The following NTF3 variants were observed in gnomAD, a reference collection of about 807,000 sequenced individuals.
NTF3 encodes the protein neurotrophin-3.
In NTF3, 8 loss-of-function variants were observed where a neutral mutation model predicts 26.3. The observed-to-expected ratio is 0.30, with a 90% CI of 0.18 to 0.55. The LOEUF is 0.55. Among genes scored for constraint, NTF3 ranks in the 20% least tolerant of loss-of-function variants. The pLI is 0.93. For missense variants in NTF3, 276 were observed against 352.9 expected (o/e 0.78, Z 1.75); for synonymous variants, 154 against 145.5 (o/e 1.06, Z -0.42).
intron 1 of NTF3, among the ~76,000 whole-genome samples, chr12:5,490,682 C>T (rs1290483993): frequency 6.6e-6 from 1 of 152,208 alleles, no homozygotes; most frequent in Non-Finnish European, 1.5e-5. Context: ...TTCAGAAACA[C>T]CACCTCTCCC....
At chr12:5,457,324 A>C (rs1241474430) in intron 1 of NTF3, among the ~76,000 whole-genome samples, 1 of 151,834 alleles carries the variant, frequency 6.6e-6, no homozygotes, top group Non-Finnish European at 1.5e-5. Context: ...TGAAGGCTCC[A>C]TTTCCTCATT....
chr12:5,435,603 G>T (rs1378785550), intron 1 of NTF3, among the ~76,000 whole-genome samples: 5 of 152,170 alleles, frequency 3.3e-5, no homozygotes, highest in Admixed American at 3.3e-4. Context: ...GGGAATTGGA[G>T]GGTGCTGCAC....
intron 1 of NTF3, among the ~76,000 whole-genome samples, chr12:5,446,693 T>C (rs1940310352): frequency 6.6e-6 from 1 of 152,236 alleles, no homozygotes; most frequent in South Asian, 2.1e-4. Context: ...GTGGACCATA[T>C]GGAATCATTG....
At chr12:5,454,645 C>T (rs1024637063) in intron 1 of NTF3, among the ~76,000 whole-genome samples, 1 of 152,202 alleles carries the variant, frequency 6.6e-6, no homozygotes, top group Non-Finnish European at 1.5e-5. Context: ...GCAACAATAA[C>T]AACCAGGGAG....
intron 1 of NTF3, among the ~76,000 whole-genome samples, chr12:5,473,527 A>G (rs1940690256): frequency 6.6e-6 from 1 of 152,210 alleles, no homozygotes; most frequent in African/African-American, 2.4e-5. Context: ...AGTCTTATGC[A>G]TTCTCTCTTA....
At chr12:5,492,746 C>T (rs1364829717) in intron 1 of NTF3, among the ~76,000 whole-genome samples, 1 of 152,148 alleles carries the variant, frequency 6.6e-6, no homozygotes, top group African/African-American at 2.4e-5. Flanking sequence ...TTGTTGACCT[C>T]TAGGGACAAG....
At chr12:5,443,413 A>G (rs1443315153) in intron 1 of NTF3, among the ~76,000 whole-genome samples, 1 of 152,194 alleles carries the variant, frequency 6.6e-6, no homozygotes, top group Non-Finnish European at 1.5e-5. Flanking sequence ...ATGACCCCAC[A>G]TGCAGCAGGA....
intron 1 of NTF3, among the ~76,000 whole-genome samples, chr12:5,461,949 A>T (rs1180205216): frequency 6.6e-6 from 1 of 152,238 alleles, no homozygotes; most frequent in Non-Finnish European, 1.5e-5. Context: ...TCCAAGGGTT[A>T]TGTGTATGAT....
intron 1 of NTF3, among the ~76,000 whole-genome samples, chr12:5,484,729 T>C (rs1641653060): frequency 6.6e-6 from 1 of 152,146 alleles, no homozygotes; most frequent in Non-Finnish European, 1.5e-5. Flanking sequence ...GATGGATATT[T>C]AGTAGGTGGG....
In NTF3 at chr12:5,432,868, G is replaced by GC. The variant is rs372027671; in HGVS notation, c.18+527dup. Among the ~76,000 whole-genome samples the GC allele has an allele frequency of 8.1e-3, 1,238 of 152,090 alleles. 13 individuals carry two copies. Among genetic ancestry groups the GC allele is most frequent in the African/African-American group, 0.028 (1,144 of 41,508 alleles). On this transcript the variant is annotated intron_variant, in intron 1 of 1. Transcript: ENST00000423158. Reference sequence around the variant, plus strand: ...AAGGGGGTGGCAGACAGAACTCCGGGCGGGGAGGTGCCGCGGCAGCTCCCC... The same window carrying GC: ...AAGGGGGTGGCAGACAGAACTCCGGGCCGGGGAGGTGCCGCGGCAGCTCCCC...
chr12:5,477,989 C>T (rs565650894), intron 1 of NTF3, among the ~76,000 whole-genome samples: 1 of 152,282 alleles, frequency 6.6e-6, no homozygotes, highest in East Asian at 1.9e-4. Flanking sequence ...TGACTGCTTT[C>T]GTCTCAAAGC....
At position 5,494,213 on chromosome 12, in the gene NTF3, T is replaced by G. The variant is rs1372828348; in HGVS notation, c.38T>G (p.Val13Gly). The G allele has an allele frequency of 6.2e-7, 1 of 1,613,568 alleles. No individual in the cohort carries two copies. Among genetic ancestry groups the G allele is most frequent in the African/African-American group, 1.3e-5 (1 of 74,898 alleles). ...TFATILQVNKVMSILFYVIFL... is the reference protein window; with the variant it reads ...TFATILQVNKGMSILFYVIFL... Reference sequence around the variant, plus strand: ...TTTCAGATCTTACAGGTGAACAAGGTGATGTCCATCTTGTTTTATGTGATA... The same window carrying G: ...TTTCAGATCTTACAGGTGAACAAGGGGATGTCCATCTTGTTTTATGTGATA... The change falls in exon 2 of 2, where the codon GTG becomes GGG. Residue 13 changes from valine (V) to glycine (G), a missense_variant. This residue lies in a region of NTF3 where 221 missense variants were observed against 258.2 expected (regional missense o/e 0.86). Coordinates refer to ENST00000423158, the MANE Select transcript of NTF3 (RefSeq NM_001102654.2). The surrounding 1 kb of genome is among the most constrained non-coding windows in gnomAD (Gnocchi z 8.3).
At chr12:5,438,964 C>T (rs1940206161) in intron 1 of NTF3, among the ~76,000 whole-genome samples, 1 of 152,186 alleles carries the variant, frequency 6.6e-6, no homozygotes, top group Non-Finnish European at 1.5e-5. Flanking sequence ...CTGTTTTTAT[C>T]TTTGGGGAAT....
At chr12:5,466,749 A>C (rs191658600) in intron 1 of NTF3, among the ~76,000 whole-genome samples, 26 of 152,380 alleles carry the variant, frequency 1.7e-4, no homozygotes, top group Non-Finnish European at 3.2e-4. Context: ...CCTCCACTTC[A>C]AAATGAACAG....
intron 1 of NTF3, among the ~76,000 whole-genome samples, chr12:5,440,328 A>G (rs1940221440): frequency 6.6e-6 from 1 of 152,100 alleles, no homozygotes; most frequent in Admixed American, 6.5e-5. Flanking sequence ...CTTCATATGG[A>G]GTATATAGCC....
chr12:5,444,736 A>G (rs868162071), intron 1 of NTF3, among the ~76,000 whole-genome samples: 24 of 152,196 alleles, frequency 1.6e-4, no homozygotes, highest in African/African-American at 5.8e-4. Flanking sequence ...TTTGTTTTTA[A>G]AAAGATCCCT....
chr12:5,465,686 T>C (rs1177794101), intron 1 of NTF3, among the ~76,000 whole-genome samples: 1 of 152,204 alleles, frequency 6.6e-6, no homozygotes, highest in African/African-American at 2.4e-5. Context: ...CACGCAAGGC[T>C]TTCAGCTTCT....
intron 1 of NTF3, among the ~76,000 whole-genome samples, chr12:5,480,793 T>C (rs1940781961): frequency 8.7e-6 from 1 of 114,936 alleles, no homozygotes; most frequent in African/African-American, 3.3e-5. Flanking sequence ...CTGGAGGAGC[T>C]CCTAGAGTTT....
chr12:5,494,433 G>A lies in NTF3; in HGVS notation c.258G>A (p.Glu86=). 1 of 1,612,186 alleles carries A rather than the reference G, an allele frequency of 6.2e-7. No homozygotes were observed. The highest frequency in any genetic ancestry group is 8.5e-7 in the Non-Finnish European group (1 of 1,179,978). The change falls in exon 2 of 2, where the codon GAG becomes GAA. Residue 86 remains glutamate (E), a synonymous_variant. Coordinates refer to ENST00000423158, the MANE Select transcript of NTF3 (RefSeq NM_001102654.2). This position sits in a 1 kb window ranked among gnomAD's most constrained non-coding sequence, Gnocchi z 8.3. ...LPKAEAPREP[E]RGGPAKSAFQ... ...AAGCTGAGGCTCCCCGAGAGCCGGA[G>A]CGGGGAGGGCCCGCCAAGTCAGCAT...
Sources: allele counts gnomAD v4.1 joint callset (sites outside exome capture counted in the v4.1 genomes callset), GRCh38; gene constraint gnomAD v4.1.1; regional missense constraint gnomAD v4.1.1; non-coding constraint Gnocchi (gnomAD v3.1); transcripts MANE v1.5; gene names NCBI Gene and HGNC (gene_info 2026-07-23, HGNC 2026-07-21).